Variants in DISC1 observed in about 807,000 individuals in gnomAD.
DISC1 encodes disrupted in schizophrenia 1 protein.
Under a neutral mutation model 84.5 loss-of-function variants are expected in DISC1, and 57 were observed. The ratio of observed to expected loss-of-function variants is 0.67; its 90% CI spans 0.55 to 0.84. DISC1 has a LOEUF of 0.84. DISC1 is among the 40% of genes least tolerant of loss of function. The pLI is 0.00. For missense variants in DISC1, 1,000 were observed against 1,057.8 expected, an observed-to-expected ratio of 0.95 and a Z score of 0.76; for synonymous variants, 411 against 415.2, an observed-to-expected ratio of 0.99 and a Z score of 0.12.
chr1:231,654,570 TTCTG>T (rs2060905097), intron 1 of DISC1, among the ~76,000 whole-genome samples: 1 of 152,180 alleles, frequency 6.6e-6, no homozygotes, highest in African/African-American at 2.4e-5. Flanking sequence ...AACTTATTCC[TTCTG>T]TCTAACTGAA....
chr1:232,023,366 T>C (rs537300075), intron 11 of DISC1, among the ~76,000 whole-genome samples: 1 of 152,214 alleles, frequency 6.6e-6, no homozygotes, highest in Admixed American at 6.5e-5. Flanking sequence ...GCCATCATCT[T>C]TGCATGAAAA....
chr1:231,916,900 C>T (rs888304929), intron 9 of DISC1, among the ~76,000 whole-genome samples: 1 of 152,242 alleles, frequency 6.6e-6, no homozygotes, highest in East Asian at 1.9e-4. Context: ...GAAACCTTCC[C>T]TGCTGGGATC....
Position 231,665,138 on chromosome 1 carries a change from G to A in DISC1, c.68-28688G>A, listed in dbSNP as rs112936711. ...GCATACAATTAACTGTATACATAAG[G>A]TACTGTGGTAATAATCGCTGCATTG... is the stretch of plus-strand genomic sequence containing the variant. On this transcript the variant is annotated intron_variant, in intron 1 of 12. Transcript: ENST00000439617. Among the ~76,000 whole-genome samples the A allele has an allele frequency of 1.5e-3, 225 of 152,254 alleles. 5 individuals are homozygous for A. The highest frequency in any genetic ancestry group is 5.1e-3 in the African/African-American group (212 of 41,540).
rs145765967 is a variant in DISC1, at chr1:232,016,442, G to A, written c.2307+7393G>A. 1.4e-3 allele frequency among the ~76,000 whole-genome samples: 208 copies of A among 152,190 alleles called. 3 individuals carry two copies. Among genetic ancestry groups the A allele is most frequent in the Non-Finnish European group, 4.9e-4 (33 of 68,004 alleles). On this transcript the variant is annotated intron_variant, in intron 11 of 12. Coordinates refer to ENST00000439617, the MANE Select transcript of DISC1 (RefSeq NM_018662.3). ...AAGGGACTGTATCTAGGTACTAGCC[G>A]GTGCCATGAATCTCATTTTGGATTC...
chr1:231,641,702 C>T (rs895818759), intron 1 of DISC1, among the ~76,000 whole-genome samples: 1 of 152,228 alleles, frequency 6.6e-6, no homozygotes, highest in East Asian at 1.9e-4. Flanking sequence ...GGTACGTTTA[C>T]AATCCCTGAG....
chr1:231,743,822 G>A (rs1029476233), intron 3 of DISC1, among the ~76,000 whole-genome samples: 2 of 152,114 alleles, frequency 1.3e-5, no homozygotes, highest in Admixed American at 6.6e-5. Flanking sequence ...CTTAGTTTCC[G>A]GCTATAGGTT....
chr1:231,756,370 C>T (rs1265081411), intron 4 of DISC1, among the ~76,000 whole-genome samples: 1 of 152,142 alleles, frequency 6.6e-6, no homozygotes. Flanking sequence ...TCCTTGAGGA[C>T]AAGACTGTAT....
intron 4 of DISC1, among the ~76,000 whole-genome samples, chr1:231,756,245 T>A (rs1223525028): frequency 6.6e-6 from 1 of 152,234 alleles, no homozygotes; most frequent in Non-Finnish European, 1.5e-5. Context: ...GCTCTGCTCA[T>A]CAGTCACACT....
chr1:231,839,494 G>T (rs1002050154), intron 9 of DISC1, among the ~76,000 whole-genome samples: 12 of 152,198 alleles, frequency 7.9e-5, no homozygotes, highest in African/African-American at 2.4e-4. Context: ...TGAGGCTGGA[G>T]AAGTGGACAG....
intron 3 of DISC1, among the ~76,000 whole-genome samples, chr1:231,719,787 T>C (rs1179215892): frequency 6.6e-6 from 1 of 152,194 alleles, no homozygotes. Context: ...TAGATAACCT[T>C]AGCGCACCTA....
At chr1:231,635,372 C>G (rs1189143655) in intron 1 of DISC1, among the ~76,000 whole-genome samples, 5 of 152,022 alleles carry the variant, frequency 3.3e-5, no homozygotes, top group Admixed American at 2.6e-4. Context: ...ATCCGTCTTT[C>G]TTGCTCCCAA....
At position 231,820,030 on chromosome 1, in the gene DISC1, G is replaced by T. The variant is rs145594077; in HGVS notation, c.1981+1513G>T. 4.6e-3 allele frequency among the ~76,000 whole-genome samples: 707 copies of T among 152,250 alleles called. 8 individuals carry two copies. Among genetic ancestry groups the T allele is most frequent in the African/African-American group, 0.017 (697 of 41,554 alleles). ...ATGATGAATAAAACATAAACAAATG[G>T]AATGAGAGATTGTTACCATGGATGA... On this transcript the variant is annotated intron_variant, in intron 9 of 12. Coordinates refer to ENST00000439617, the MANE Select transcript of DISC1 (RefSeq NM_018662.3).
intron 1 of DISC1, among the ~76,000 whole-genome samples, chr1:231,658,833 T>A (rs1164260976): frequency 6.6e-6 from 1 of 152,220 alleles, no homozygotes; most frequent in Non-Finnish European, 1.5e-5. Flanking sequence ...GAAGCCAACT[T>A]GATTCTAGTG....
chr1:231,834,191 A>G (rs2082451383), intron 9 of DISC1, among the ~76,000 whole-genome samples: 1 of 152,194 alleles, frequency 6.6e-6, no homozygotes, highest in African/African-American at 2.4e-5. Flanking sequence ...CGAAACTGTA[A>G]GCCAGACCGG....
At chr1:231,668,852 A>T (rs1269833173) in intron 1 of DISC1, among the ~76,000 whole-genome samples, 1 of 152,176 alleles carries the variant, frequency 6.6e-6, no homozygotes, top group Non-Finnish European at 1.5e-5. Context: ...CATGGATCAG[A>T]TTACTGCCCA....
intron 8 of DISC1, among the ~76,000 whole-genome samples, chr1:231,816,166 T>C (rs1185408852): frequency 6.6e-6 from 1 of 152,328 alleles, no homozygotes; most frequent in East Asian, 1.9e-4. Context: ...TAGTGGAATA[T>C]TTATGGTTTT....
intron 1 of DISC1, among the ~76,000 whole-genome samples, chr1:231,632,772 TA>T (rs2125100541): frequency 6.6e-6 from 1 of 152,264 alleles, no homozygotes; most frequent in Non-Finnish European, 1.5e-5. Flanking sequence ...TGATGGCTCT[TA>T]AAAACTTAGA....
At chr1:231,912,952 A>C (rs1420544429) in intron 9 of DISC1, among the ~76,000 whole-genome samples, 1 of 148,004 alleles carries the variant, frequency 6.8e-6, no homozygotes, top group African/African-American at 2.5e-5. Flanking sequence ...CTGTCACCCA[A>C]GCTTGAGTGC....
intron 10 of DISC1, among the ~76,000 whole-genome samples, chr1:231,966,630 T>C (rs1040527680): frequency 6.6e-6 from 1 of 152,256 alleles, no homozygotes; most frequent in Non-Finnish European, 1.5e-5. Flanking sequence ...CTTGTATGCA[T>C]GACTAATGTG....
Sources: allele counts gnomAD v4.1 joint callset (sites outside exome capture counted in the v4.1 genomes callset), GRCh38; gene constraint gnomAD v4.1.1; transcripts MANE v1.5; gene names NCBI Gene and HGNC (gene_info 2026-07-23, HGNC 2026-07-21).